Variants in COL23A1 observed in about 807,000 individuals in gnomAD.
COL23A1 encodes collagen type XXIII alpha 1 chain, also known as collagen alpha-1(XXIII) chain.
A neutral mutation model predicts 99.3 loss-of-function variants in COL23A1; 97 were observed. That is an observed-to-expected ratio of 0.98 (90% confidence interval 0.83 to 1.16). The LOEUF is 1.16. Among genes scored for constraint, COL23A1 ranks in the 50% most tolerant of loss-of-function variants. The pLI is 0.00. For missense variants in COL23A1, 762 were observed against 757.4 expected (o/e 1.01, Z -0.07); for synonymous variants, 320 against 308.2 (o/e 1.04, Z -0.40).
At chr5:178,584,659 T>G (rs1260931772) in intron 1 of COL23A1, among the ~76,000 whole-genome samples, 1 of 152,152 alleles carries the variant, frequency 6.6e-6, no homozygotes, top group Non-Finnish European at 1.5e-5. Context: ...TGACTGTAAC[T>G]GCACCTGCTC....
intron 25 of COL23A1, 98 bp from the exon 26 acceptor site, chr5:178,242,492 T>C: frequency 1.6e-6 from 2 of 1,230,436 alleles, no homozygotes. Context: ...ACACGCCCAC[T>C]TTCCCCCCTG....
intron 2 of COL23A1, among the ~76,000 whole-genome samples, chr5:178,486,264 G>T (rs983044239): frequency 1.3e-5 from 2 of 152,218 alleles, no homozygotes; most frequent in African/African-American, 4.8e-5. Flanking sequence ...ACGGTTGTCA[G>T]TGGGTGACGT....
At chr5:178,330,565 GA>G (rs1383609576) in intron 2 of COL23A1, among the ~76,000 whole-genome samples, 4 of 151,930 alleles carry the variant, frequency 2.6e-5, no homozygotes, top group African/African-American at 9.7e-5. Flanking sequence ...GAGGCAGAAG[GA>G]TAGCTGGAGC....
intron 2 of COL23A1, among the ~76,000 whole-genome samples, chr5:178,444,030 T>C (rs532355771): frequency 7.9e-5 from 12 of 151,920 alleles, no homozygotes; most frequent in Non-Finnish European, 1.2e-4. Flanking sequence ...GGTGAAACCC[T>C]GCCTCTACAA....
intron 2 of COL23A1, chr5:178,351,139 C>A (rs562743026): frequency 5.2e-5 from 8 of 152,402 alleles, no homozygotes; most frequent in Admixed American, 2.0e-4. Context: ...GACACGGAGA[C>A]GGGCCTCTGA....
chr5:178,435,972 G>A (rs1766537371), intron 2 of COL23A1, among the ~76,000 whole-genome samples: 3 of 152,222 alleles, frequency 2.0e-5, no homozygotes. Context: ...CCACACAGCG[G>A]TCATTACAAG....
chr5:178,337,290 T>C (rs1047295298), intron 2 of COL23A1, among the ~76,000 whole-genome samples: 2 of 152,166 alleles, frequency 1.3e-5, no homozygotes, highest in African/African-American at 2.4e-5. Flanking sequence ...GTCCCGGTGA[T>C]CCCCGGCCAG....
In COL23A1 at chr5:178,308,555, T is replaced by C. The variant is rs905667951; in HGVS notation, c.362-1636A>G. ...CAGAACAGACAACAGCTCCTCATAC[T>C]GTGTGGGTTTACAGCTTATGAGGCA... is the stretch of plus-strand genomic sequence containing the variant. On this transcript the variant is annotated intron_variant, in intron 2 of 28. Coordinates refer to ENST00000390654, the MANE Select transcript of COL23A1 (RefSeq NM_173465.4). This position sits in a 1 kb window ranked among gnomAD's most constrained non-coding sequence, Gnocchi z 5.1. Among the ~76,000 whole-genome samples, 1 of 152,188 alleles carries C rather than the reference T, an allele frequency of 6.6e-6. No homozygotes were observed. The highest frequency in any genetic ancestry group is 1.5e-5 in the Non-Finnish European group (1 of 68,042).
rs538188588 is a variant in COL23A1, at chr5:178,446,965, A to T, written c.361+113717T>A. 4.6e-5 allele frequency among the ~76,000 whole-genome samples: 7 copies of T among 152,366 alleles called. No homozygotes were observed. The South Asian group carries it at 1.4e-3, about 32-fold the overall frequency. On this transcript the variant is annotated intron_variant, in intron 2 of 28. Transcript: ENST00000390654. ...CTAATTATGAGAATAAATCATGCTC[A>T]TAGTTAAGAAACACCAAAAGGAAAC...
chr5:178,403,821 C>G (rs1428127228), intron 2 of COL23A1, among the ~76,000 whole-genome samples: 1 of 152,222 alleles, frequency 6.6e-6, no homozygotes, highest in Non-Finnish European at 1.5e-5. Flanking sequence ...ACGCAAACAC[C>G]TTGATTGAAG....
intron 2 of COL23A1, among the ~76,000 whole-genome samples, chr5:178,482,875 C>G (rs920499798): frequency 2.6e-5 from 4 of 151,688 alleles, no homozygotes; most frequent in African/African-American, 4.8e-5. Context: ...GCACTCCTGC[C>G]TGGGCAACAG....
chr5:178,282,294 G>C (rs757074119), intron 5 of COL23A1, among the ~76,000 whole-genome samples: 8 of 152,192 alleles, frequency 5.3e-5, no homozygotes, highest in Non-Finnish European at 1.0e-4. Flanking sequence ...GTTAGACTTA[G>C]TTTTTGTTTT....
intron 3 of COL23A1, among the ~76,000 whole-genome samples, chr5:178,293,224 A>G (rs4976718): frequency 0.46 from 70,348 of 151,562 alleles, 18,917 homozygotes; most frequent in Non-Finnish European, 0.62. Context: ...GCAGAGAGAG[A>G]GGATTCGGTG....
At chr5:178,379,190 TA>T (rs201326226) in intron 2 of COL23A1, among the ~76,000 whole-genome samples, 1 of 151,008 alleles carries the variant, frequency 6.6e-6, no homozygotes, top group African/African-American at 2.5e-5. Flanking sequence ...ATGAGACAAT[TA>T]AAAAAAACAA....
intron 2 of COL23A1, among the ~76,000 whole-genome samples, chr5:178,323,020 G>A (rs1278806391): frequency 6.6e-6 from 1 of 152,170 alleles, no homozygotes; most frequent in African/African-American, 2.4e-5. Flanking sequence ...TGGCTCTTTC[G>A]GAGGGAGGCT....
intron 1 of COL23A1, among the ~76,000 whole-genome samples, chr5:178,560,980 G>A (rs563711426): frequency 9.8e-5 from 15 of 152,326 alleles, no homozygotes; most frequent in African/African-American, 3.1e-4. Context: ...AAAGGTGGCA[G>A]GTTTCTGCTT....
chr5:178,304,569 G>A (rs372982291), intron 3 of COL23A1, among the ~76,000 whole-genome samples: 11 of 150,232 alleles, frequency 7.3e-5, no homozygotes, highest in East Asian at 3.9e-4. Context: ...AAAGGCCTCC[G>A]GCCTCCTTAT....
At chr5:178,288,642 G>A in intron 4 of COL23A1, 1 of 547,674 alleles carries the variant, frequency 1.8e-6, no homozygotes, top group Admixed American at 3.1e-5. Context: ...ATGCCACGTG[G>A]GGACGTGGGG....
Position 178,563,823 on chromosome 5 carries a change from C to T in COL23A1, c.295-3075G>A, listed in dbSNP as rs563632667. On this transcript the variant is annotated intron_variant, in intron 1 of 28. Coordinates refer to ENST00000390654, the MANE Select transcript of COL23A1 (RefSeq NM_173465.4). ...TGGGATTACAGACGTTGAGTCACCG[C>T]GCCCAGCCAGAACTCACGCTTTTCC... Among the ~76,000 whole-genome samples the T allele has an allele frequency of 6.6e-5, 10 of 152,242 alleles. No homozygotes were observed. In the South Asian group the frequency reaches 1.5e-3, roughly 22 times the overall value.
Sources: allele counts gnomAD v4.1 joint callset (sites outside exome capture counted in the v4.1 genomes callset), GRCh38; gene constraint gnomAD v4.1.1; non-coding constraint Gnocchi (gnomAD v3.1); transcripts MANE v1.5; gene names NCBI Gene and HGNC (gene_info 2026-07-23, HGNC 2026-07-21).